The following ZNF738 variants were observed in gnomAD, a reference collection of about 807,000 sequenced individuals.
The protein encoded by ZNF738 is protein ZNF738.
Under a neutral mutation model 9.2 loss-of-function variants are expected in ZNF738, and 10 were observed. That is an observed-to-expected ratio of 1.09 (90% CI 0.67 to 1.85). ZNF738 has a LOEUF of 1.85. Among genes scored for constraint, ZNF738 ranks in the 40% most tolerant of loss-of-function variants. The pLI is 0.00. For synonymous variants in ZNF738, 113 were observed against 94.5 expected (o/e 1.20, Z -1.14); for missense variants, 346 against 283.6 (o/e 1.22, Z -1.58).
Position 21,385,962 on chromosome 19 carries a change from A to G in ZNF738, c.*2288A>G, listed in dbSNP as rs181031604. 2.8e-3 allele frequency among the ~76,000 whole-genome samples: 425 copies of G among 152,246 alleles called. 4 individuals are homozygous for G. Among genetic ancestry groups the G allele is most frequent in the African/African-American group, 9.8e-3 (407 of 41,540 alleles). The stretch of plus-strand genomic sequence containing the variant: ...GAAGAATGTCACAAAGCTTTTAACC[A>G]CTTCTCAACCCTGATGACACATAAG... On this transcript the variant is annotated 3_prime_UTR_variant, in exon 5 of 5. Coordinates refer to ENST00000683779, the MANE Select transcript of ZNF738 (RefSeq NM_001355237.2).
chr19:21,378,296 T>C (rs913456759), intron 4 of ZNF738: 1 of 276,302 alleles, frequency 3.6e-6, no homozygotes, highest in African/African-American at 2.2e-5. Context: ...TATGTGCGTA[T>C]CTTTCCCAGA....
At chr19:21,365,805 A>C (rs1973768464) in intron 2 of ZNF738, among the ~76,000 whole-genome samples, 1 of 152,046 alleles carries the variant, frequency 6.6e-6, no homozygotes, top group East Asian at 1.9e-4. Flanking sequence ...AAAATACAAA[A>C]AATTAGCCAG....
At chr19:21,367,749 C>T (rs1402225841) in intron 2 of ZNF738, among the ~76,000 whole-genome samples, 2 of 152,120 alleles carry the variant, frequency 1.3e-5, no homozygotes, top group Non-Finnish European at 2.9e-5. Flanking sequence ...ACAGCTGCCA[C>T]CACAGGATTC....
Position 21,359,099 on chromosome 19 carries a change from G to C in ZNF738, c.-42G>C. The C allele has an allele frequency of 9.7e-7, 1 of 1,027,638 alleles. No homozygotes were observed. Among genetic ancestry groups the C allele is most frequent in the Non-Finnish European group, 1.5e-6 (1 of 647,632 alleles). 63.7% of individuals were successfully genotyped at this position (1,027,638 alleles called of 1,614,324 possible). A position where few individuals can be genotyped will look rare whatever the true frequency, so the allele number is the denominator to read the frequency against. On this transcript the variant is annotated 5_prime_UTR_variant, in exon 1 of 5. Transcript: ENST00000683779. ...TGGTCCTGTGACCTGCAGGTATTGG[G>C]AATCCACAGCTAAGACGCCGGGACA...
intron 2 of ZNF738, among the ~76,000 whole-genome samples, chr19:21,370,766 T>C (rs1477323969): frequency 6.6e-6 from 1 of 152,156 alleles, no homozygotes; most frequent in Non-Finnish European, 1.5e-5. Flanking sequence ...CTTCTTTGAC[T>C]GTACTCGGCT....
intron 2 of ZNF738, among the ~76,000 whole-genome samples, chr19:21,362,524 T>C (rs1490708461): frequency 6.6e-6 from 1 of 152,164 alleles, no homozygotes; most frequent in African/African-American, 2.4e-5. Context: ...ATGGCCTGAC[T>C]TGAAACGTGA....
At chr19:21,381,045 A>G (rs1973996570) in intron 4 of ZNF738, among the ~76,000 whole-genome samples, 1 of 152,234 alleles carries the variant, frequency 6.6e-6, no homozygotes, top group Non-Finnish European at 1.5e-5. Context: ...CCTAATGAGA[A>G]TACAAATATT....
intron 1 of ZNF738, 69 bp from the exon 2 acceptor site, chr19:21,361,697 A>G (rs1366551853): frequency 5.6e-5 from 43 of 762,536 alleles, no homozygotes; most frequent in South Asian, 3.1e-4. Flanking sequence ...ATAAACCGAG[A>G]TATCTGCCAT....
chr19:21,386,277 C>A lies in ZNF738; in HGVS notation c.*2603C>A. 1 of 277,998 alleles carries A rather than the reference C, an allele frequency of 3.6e-6. No homozygotes were observed. 17.2% of individuals were successfully genotyped at this position (277,998 alleles called of 1,614,324 possible). ...AGCCTTACAAATGTGAAAAATGTAG[C>A]AAACCTTTTAACTAATCCTCAACCC... On this transcript the variant is annotated 3_prime_UTR_variant, in exon 5 of 5. Coordinates refer to ENST00000683779, the MANE Select transcript of ZNF738 (RefSeq NM_001355237.2).
chr19:21,381,837 G>A (rs1568371354), intron 4 of ZNF738: 2 of 288,436 alleles, frequency 6.9e-6, no homozygotes, highest in Non-Finnish European at 1.4e-5. Flanking sequence ...ACTGCTGAAG[G>A]TGTCAGGGTG....
Position 21,384,244 on chromosome 19 carries a change from C to T in ZNF738, c.*570C>T, listed in dbSNP as rs1009807171. 4.9e-6 allele frequency: 7 copies of T among 1,422,818 alleles called. No homozygotes were observed. In the East Asian group the frequency reaches 9.2e-5, roughly 19 times the overall value. The allele number at this position is 1,422,818 out of a possible 1,614,324, so 88.1% of individuals were successfully genotyped here. A position where few individuals can be genotyped will look rare whatever the true frequency, so the allele number is the denominator to read the frequency against. ...AAGAGAATTCATACTGGTGAGAAAC[C>T]CTACAAATGTGAAGAATGTGGCAAA... On this transcript the variant is annotated 3_prime_UTR_variant, in exon 5 of 5. Coordinates refer to ENST00000683779, the MANE Select transcript of ZNF738 (RefSeq NM_001355237.2).
At chr19:21,373,366 G>T (rs1209033786) in intron 2 of ZNF738, among the ~76,000 whole-genome samples, 2 of 152,098 alleles carry the variant, frequency 1.3e-5, no homozygotes, top group Non-Finnish European at 2.9e-5. Context: ...CAAGTGTGTG[G>T]GGTTCAAGAT....
chr19:21,370,061 C>G (rs1280708512), intron 2 of ZNF738, among the ~76,000 whole-genome samples: 1 of 152,184 alleles, frequency 6.6e-6, no homozygotes, highest in East Asian at 1.9e-4. Flanking sequence ...ATCCGCCAAC[C>G]TCGGCCTCCC....
rs1341030613 is a variant in ZNF738 at position 21,387,955 on chromosome 19, C to A, written c.*4281C>A. On this transcript the variant is annotated 3_prime_UTR_variant, in exon 5 of 5. Coordinates refer to ENST00000683779, the MANE Select transcript of ZNF738 (RefSeq NM_001355237.2). Reference sequence around the variant, plus strand: ...CTTTTTCAAAAACTACATCAGAAAACACCAGAGTTTATACTGAAGAATATT... The same window carrying A: ...CTTTTTCAAAAACTACATCAGAAAAAACCAGAGTTTATACTGAAGAATATT... Among the ~76,000 whole-genome samples the A allele has an allele frequency of 2.0e-5, 3 of 151,988 alleles. No homozygotes were observed. Among genetic ancestry groups the A allele is most frequent in the Non-Finnish European group, 4.4e-5 (3 of 67,982 alleles).
chr19:21,373,109 CA>C (rs1403725195), intron 2 of ZNF738, among the ~76,000 whole-genome samples: 1 of 152,154 alleles, frequency 6.6e-6, no homozygotes, highest in Non-Finnish European at 1.5e-5. Context: ...GGACCCTTTC[CA>C]AACCTACAGA....
intron 4 of ZNF738, among the ~76,000 whole-genome samples, chr19:21,382,500 G>C (rs1166022549): frequency 6.6e-6 from 1 of 151,826 alleles, no homozygotes; most frequent in Non-Finnish European, 1.5e-5. Flanking sequence ...GCCTCCCAAA[G>C]TGCTGGGATT....
chr19:21,377,538 T>G, intron 4 of ZNF738: 1 of 514,866 alleles, frequency 1.9e-6, no homozygotes, highest in South Asian at 2.6e-5. Context: ...ACACACAAAA[T>G]TTGTCATAGG....
At chr19:21,375,499 A>G (rs1973916074) in intron 3 of ZNF738, 135 bp downstream of exon 3, 3 of 530,596 alleles carry the variant, frequency 5.7e-6, no homozygotes, top group Non-Finnish European at 1.0e-5. Flanking sequence ...ATTGCGAGGA[A>G]TTATCCATGC....
chr19:21,365,289 C>T (rs1043078232), intron 2 of ZNF738, among the ~76,000 whole-genome samples: 36 of 151,944 alleles, frequency 2.4e-4, no homozygotes, highest in Non-Finnish European at 2.4e-4. Flanking sequence ...TGACCTGTAT[C>T]CTGTGCTGAC....
Sources: gnomAD v4.1 joint callset for allele counts (sites outside exome capture counted in the v4.1 genomes callset) on GRCh38, gnomAD v4.1.1 for gene constraint, MANE v1.5 for transcripts, NCBI Gene and HGNC (gene_info 2026-07-23, HGNC 2026-07-21) for gene names.